MACF1: variants seen among roughly 807,000 people sequenced by gnomAD.
MACF1 encodes microtubule actin crosslinking factor 1, also known as microtubule-actin cross-linking factor 1.
A neutral mutation model predicts 854.8 loss-of-function variants in MACF1; 193 were observed. That is an observed-to-expected ratio of 0.23 (90% CI 0.20 to 0.25). The LOEUF (loss-of-function observed/expected upper bound fraction) is 0.25, where lower values mean the gene tolerates loss of function less well. MACF1 is among the 10% of genes least tolerant of loss of function. The pLI is 1.00. For missense variants in MACF1, 7,722 were observed against 8,929.1 expected (o/e 0.86, Z 5.45); for synonymous variants, 3,185 against 3,226.7 (o/e 0.99, Z 0.44).
At position 39,334,533 on chromosome 1, in the gene MACF1, G is replaced by A; in HGVS notation, c.7945G>A (p.Val2649Ile). 2 of 1,614,096 alleles carry A rather than the reference G, an allele frequency of 1.2e-6. No individual in the cohort carries two copies. Among genetic ancestry groups the A allele is most frequent in the Non-Finnish European group, 1.7e-6 (2 of 1,179,988 alleles). ...DIESGQRYLE[V>I]IPFSDIKDGV... ...TGAATCTGGACAGAGATATCTAGAA[G>A]TAATTCCCTTCTCAGACATTAAAGA... is the stretch of plus-strand genomic sequence containing the variant. The change falls in exon 37 of 101, where the codon GTA becomes ATA. Residue 2649 changes from valine to isoleucine, a missense_variant. Coordinates refer to ENST00000564288, the MANE Select transcript of MACF1 (RefSeq NM_001394062.1).
intron 97 of MACF1, among the ~76,000 whole-genome samples, chr1:39,474,701 A>C (rs1160299352): frequency 6.6e-6 from 1 of 152,204 alleles, no homozygotes; most frequent in African/African-American, 2.4e-5. Context: ...CTCAAAAAAT[A>C]ACTAAATAAA....
Position 39,318,428 on chromosome 1 carries a change from T to C in MACF1, c.3783-25T>C, listed in dbSNP as rs771453652. On this transcript the variant is annotated intron_variant, in intron 29 of 100. Transcript: ENST00000564288. ...ATTGTATTTGTACCAAGGTATCTGA[T>C]AGCAGTTTCCCTTTGTTCTTCTAGC... 5.0e-6 allele frequency: 8 copies of C among 1,607,584 alleles called. No individual in the cohort carries two copies. The African/African-American group carries it at 6.7e-5, about 13-fold the overall frequency.
At position 39,433,726 on chromosome 1, in the gene MACF1, C is replaced by T. The variant is rs533833815; in HGVS notation, c.17565+571C>T. On this transcript the variant is annotated intron_variant, in intron 68 of 100. Transcript: ENST00000564288. ...ATCAGAAGAAAAATGACAGGCAAAA[C>T]TTGATAGGCAAAGATTCCATCGTAG... Among the ~76,000 whole-genome samples the T allele has an allele frequency of 1.6e-3, 246 of 152,180 alleles. 1 individual carries two copies. The highest frequency in any genetic ancestry group is 3.0e-3 in the Non-Finnish European group (205 of 68,006).
chr1:39,336,828 T>A (rs1450453221), intron 37 of MACF1, among the ~76,000 whole-genome samples, 175 bp downstream of exon 37: 1 of 152,200 alleles, frequency 6.6e-6, no homozygotes, highest in Non-Finnish European at 1.5e-5. Flanking sequence ...GTAGCAAAGT[T>A]GTTGGAAAAT....
intron 1 of MACF1, among the ~76,000 whole-genome samples, chr1:39,219,122 G>T (rs567008923): frequency 3.3e-5 from 5 of 152,200 alleles, no homozygotes; most frequent in African/African-American, 1.2e-4. Flanking sequence ...AGCTTCTACA[G>T]TTGTCACTTC....
At chr1:39,116,787 A>C in intron 2 of MACF1, among the ~76,000 whole-genome samples, 2 of 152,312 alleles carry the variant, frequency 1.3e-5, no homozygotes, top group Admixed American at 1.3e-4. Context: ...CTTGACATAG[A>C]GAGAGGCTTT....
At chr1:39,086,338 A>G (rs260968) in intron 2 of MACF1, among the ~76,000 whole-genome samples, 150,974 of 152,362 alleles carry the variant, frequency 0.99, 74,807 homozygotes, top group East Asian at 1. Context: ...TGAGGAGACA[A>G]CAGTGGGGCC....
rs756096996 is a variant in MACF1, at chr1:39,427,986, A to G, written c.16502A>G (p.His5501Arg). ...HKALEEDIEN[H>R]ATDVHQAVKI... ...GCTCTGGAAGAAGACATAGAAAACC[A>G]TGCAACAGATGTGCACCAGGCAGTC... Residue 5501 changes from histidine to arginine, a missense_variant, in exon 63 of 101, where the codon CAT becomes CGT. By Grantham distance (29) the His-to-Arg change is conservative. Coordinates refer to ENST00000564288, the MANE Select transcript of MACF1 (RefSeq NM_001394062.1). 6.2e-7 allele frequency: 1 copy of G among 1,613,508 alleles called. No individual in the cohort carries two copies. The highest frequency in any genetic ancestry group is 8.5e-7 in the Non-Finnish European group (1 of 1,179,564).
At chr1:39,379,050 G>GTA (rs1649964913) in intron 53 of MACF1, among the ~76,000 whole-genome samples, 153 bp from the exon 54 acceptor site, 1 of 152,160 alleles carries the variant, frequency 6.6e-6, no homozygotes, top group Non-Finnish European at 1.5e-5. Flanking sequence ...TTTGTTTTGT[G>GTA]TATATAAATG....
chr1:39,109,152 C>A (rs1169007699), intron 2 of MACF1, among the ~76,000 whole-genome samples: 1 of 152,192 alleles, frequency 6.6e-6, no homozygotes, highest in African/African-American at 2.4e-5. Context: ...GAAAAGATTT[C>A]TCTCATCTTT....
intron 2 of MACF1, among the ~76,000 whole-genome samples, chr1:39,178,848 G>A (rs1644067106): frequency 6.6e-6 from 1 of 152,124 alleles, no homozygotes; most frequent in African/African-American, 2.4e-5. Context: ...ATTTCTAACT[G>A]GTAAAATGGT....
At chr1:39,303,111 C>G in intron 23 of MACF1, 33 bp downstream of exon 23, 1 of 1,606,054 alleles carries the variant, frequency 6.2e-7, no homozygotes, top group Non-Finnish European at 8.5e-7. Context: ...GGTACACCCA[C>G]CTCTGCTGTT....
At chr1:39,311,254 A>G (rs955812300) in intron 26 of MACF1, among the ~76,000 whole-genome samples, 1 of 152,210 alleles carries the variant, frequency 6.6e-6, no homozygotes, top group African/African-American at 2.4e-5. Context: ...TCTAAGCAGT[A>G]TATTTGGGCT....
chr1:39,385,558 A>C lies in MACF1; in HGVS notation c.13973A>C (p.Gln4658Pro). 6.2e-7 allele frequency: 1 copy of C among 1,614,216 alleles called. No homozygotes were observed. The highest frequency in any genetic ancestry group is 8.5e-7 in the Non-Finnish European group (1 of 1,180,032). ...ACCAGCCAAGTACAGAAAGAACTCC[A>C]GAGCATCAATCAGAAATGGGTTGAG... Reference protein sequence around the residue: ...LSTSQVQKELQSINQKWVELT... With the variant: ...LSTSQVQKELPSINQKWVELT... Residue 4658 changes from glutamine to proline, a missense_variant, in exon 57 of 101, where the codon CAG becomes CCG. This residue lies in a region of MACF1 where 2,807 missense variants were observed against 3,235.8 expected (regional missense o/e 0.87). Coordinates refer to ENST00000564288, the MANE Select transcript of MACF1 (RefSeq NM_001394062.1).
In MACF1 at chr1:39,105,570, C is replaced by T; in HGVS notation, c.220+21132C>T. On this transcript the variant is annotated intron_variant, in intron 2 of 93. Coordinates refer to the MACF1 transcript ENST00000361689. This position sits in a 1 kb window ranked among gnomAD's most constrained non-coding sequence, Gnocchi z 5.9. ...CTGGGGCCGCCGCCGCCTCAGCGCG[C>T]GGGCCTGGAACCGGCAGCCCCCGGG... 1 of 1,114,494 alleles carries T rather than the reference C, an allele frequency of 9.0e-7. No individual in the cohort carries two copies. The allele number at this position is 1,114,494 out of a possible 1,614,324, so 69.0% of individuals were successfully genotyped here.
chr1:39,238,561 C>T (rs1438090592), intron 2 of MACF1, among the ~76,000 whole-genome samples: 1 of 152,182 alleles, frequency 6.6e-6, no homozygotes, highest in African/African-American at 2.4e-5. Flanking sequence ...AGCTTGTCCC[C>T]TGAACTTTGT....
intron 6 of MACF1, among the ~76,000 whole-genome samples, chr1:39,276,472 G>T (rs1441555681): frequency 1.3e-5 from 2 of 152,034 alleles, no homozygotes; most frequent in African/African-American, 4.8e-5. Flanking sequence ...TTTTCTATCG[G>T]TTCCCAATTT....
intron 58 of MACF1, chr1:39,414,597 C>A: frequency 1.4e-6 from 2 of 1,456,518 alleles, no homozygotes; most frequent in Non-Finnish European, 1.9e-6. Flanking sequence ...GTCTCCCGGG[C>A]TTATAGTTTG....
At position 39,285,197 on chromosome 1, in the gene MACF1, C is replaced by T. The variant is rs762195080; in HGVS notation, c.1246C>T (p.Pro416Ser). The change falls in exon 12 of 101, where the codon CCG (proline) becomes TCG (serine). Residue 416 changes from proline (P) to serine (S), a missense_variant. By Grantham distance (74) the Pro-to-Ser change is moderately conservative (BLOSUM62 -1). Coordinates refer to ENST00000564288, the MANE Select transcript of MACF1 (RefSeq NM_001394062.1). ...EMLEREKSLR[P>S]AVERLELLLQ... Reference sequence around the variant, plus strand: ...GCTGGAACGAGAGAAATCACTTCGGCCGGCTGTGGAGAGGTGGGTCCAGAT... The same window carrying T: ...GCTGGAACGAGAGAAATCACTTCGGTCGGCTGTGGAGAGGTGGGTCCAGAT... 1 of 1,614,166 alleles carries T rather than the reference C, an allele frequency of 6.2e-7. No individual in the cohort carries two copies. Among genetic ancestry groups the T allele is most frequent in the Non-Finnish European group, 8.5e-7 (1 of 1,180,032 alleles).
Sources: allele counts gnomAD v4.1 joint callset (sites outside exome capture counted in the v4.1 genomes callset), GRCh38; gene constraint gnomAD v4.1.1; regional missense constraint gnomAD v4.1.1; non-coding constraint Gnocchi (gnomAD v3.1); transcripts MANE v1.5; gene names NCBI Gene and HGNC (gene_info 2026-07-23, HGNC 2026-07-21).